GABRG3: variants seen among roughly 807,000 people sequenced by gnomAD.
GABRG3 encodes gamma-aminobutyric acid receptor subunit gamma-3.
Under a neutral mutation model 48.8 loss-of-function variants are expected in GABRG3, and 25 were observed. That is an observed-to-expected ratio of 0.51 (90% CI 0.37 to 0.72). The LOEUF (loss-of-function observed/expected upper bound fraction) is 0.72, where lower values mean the gene tolerates loss of function less well. GABRG3 is among the 30% of genes least tolerant of loss of function. The probability of loss-of-function intolerance (pLI) is 0.00; values close to 1 mark genes in which losing one functional copy is unlikely to be tolerated. For missense variants in GABRG3, 394 were observed against 577.9 expected, an observed-to-expected ratio of 0.68 and a Z score of 3.26; for synonymous variants, 227 against 217.6, an observed-to-expected ratio of 1.04 and a Z score of -0.38.
intron 6 of GABRG3, among the ~76,000 whole-genome samples, chr15:27,517,237 G>A (rs1224813247): frequency 6.6e-6 from 1 of 152,026 alleles, no homozygotes; most frequent in Non-Finnish European, 1.5e-5. Flanking sequence ...TCCATATTGT[G>A]CCCAGCACTG....
At chr15:27,305,064 C>G (rs2140495830) in intron 3 of GABRG3, among the ~76,000 whole-genome samples, 2 of 151,942 alleles carry the variant, frequency 1.3e-5, no homozygotes, top group African/African-American at 4.8e-5. Context: ...TTTTATAGTA[C>G]TATCTCTGAC....
intron 3 of GABRG3, among the ~76,000 whole-genome samples, chr15:27,081,341 T>A (rs2140744733): frequency 6.6e-6 from 1 of 152,302 alleles, no homozygotes; most frequent in East Asian, 1.9e-4. Context: ...CTGCTTTGGG[T>A]TGGGAAACTG....
intron 2 of GABRG3, among the ~76,000 whole-genome samples, chr15:27,000,584 TAGTG>T (rs1328981334): frequency 6.6e-6 from 1 of 152,174 alleles, no homozygotes; most frequent in Non-Finnish European, 1.5e-5. Flanking sequence ...GCTGTTGTGA[TAGTG>T]AGTGTGTTCT....
chr15:27,403,349 G>GTTGGGAGCAATGATA (rs1887528750), intron 5 of GABRG3, among the ~76,000 whole-genome samples: 1 of 152,146 alleles, frequency 6.6e-6, no homozygotes, highest in African/African-American at 2.4e-5. Flanking sequence ...GAGCAATGAT[G>GTTGGGAGCAATGATA]TTGGAAGCAA....
intron 3 of GABRG3, among the ~76,000 whole-genome samples, chr15:27,238,460 G>T (rs903285321): frequency 2.0e-5 from 3 of 152,204 alleles, no homozygotes; most frequent in Non-Finnish European, 4.4e-5. Flanking sequence ...ACCGCGGGAG[G>T]CCCTGGAGGA....
At chr15:27,340,520 G>C (rs1332028722) in intron 5 of GABRG3, 1 of 153,716 alleles carries the variant, frequency 6.5e-6, no homozygotes, top group East Asian at 1.9e-4. Flanking sequence ...CCTCTCCATA[G>C]TACAAACAAC....
chr15:27,210,166 C>CA (rs1889025811), intron 3 of GABRG3, among the ~76,000 whole-genome samples: 1 of 152,126 alleles, frequency 6.6e-6, no homozygotes, highest in South Asian at 2.1e-4. Context: ...TTTGAAGGGA[C>CA]CTCCAAGGGT....
chr15:27,404,428 G>C (rs1482589611), intron 5 of GABRG3, among the ~76,000 whole-genome samples: 2 of 152,134 alleles, frequency 1.3e-5, no homozygotes, highest in East Asian at 3.9e-4. Context: ...GCACCCATCT[G>C]GCCCCTGGCT....
chr15:27,407,422 C>T (rs772206952), intron 5 of GABRG3, among the ~76,000 whole-genome samples: 2 of 152,168 alleles, frequency 1.3e-5, no homozygotes, highest in Admixed American at 6.5e-5. Context: ...CAAAACTAAA[C>T]ATACTCTTAC....
intron 5 of GABRG3, among the ~76,000 whole-genome samples, chr15:27,392,022 T>C (rs909971300): frequency 6.6e-6 from 1 of 152,194 alleles, no homozygotes; most frequent in African/African-American, 2.4e-5. Context: ...TATACCACTG[T>C]CTTTAAATTT....
At chr15:27,453,477 A>G (rs762952132) in intron 5 of GABRG3, among the ~76,000 whole-genome samples, 6 of 152,244 alleles carry the variant, frequency 3.9e-5, no homozygotes, top group Non-Finnish European at 7.3e-5. Context: ...ACTCAGGAAT[A>G]GAATAGTTGC....
At chr15:27,184,678 T>C (rs1045326676) in intron 3 of GABRG3, among the ~76,000 whole-genome samples, 1 of 152,222 alleles carries the variant, frequency 6.6e-6, no homozygotes, top group Non-Finnish European at 1.5e-5. Flanking sequence ...CAAACACTTA[T>C]TTTAAGGAAG....
At position 27,179,783 on chromosome 15, in the gene GABRG3, C is replaced by T. The variant is rs764133770; in HGVS notation, c.271-147026C>T. Among the ~76,000 whole-genome samples the T allele has an allele frequency of 3.9e-5, 6 of 152,158 alleles. No homozygotes were observed. The highest frequency in any genetic ancestry group is 1.9e-4 in the East Asian group (1 of 5,162). ...GGAAAGATGGAAGCCAAAGATGCACCGGGTCTTTGGAAAAGAAAACTATAA... is the reference window on the plus strand; with the variant it reads ...GGAAAGATGGAAGCCAAAGATGCACTGGGTCTTTGGAAAAGAAAACTATAA... On this transcript the variant is annotated intron_variant, in intron 3 of 9. Transcript: ENST00000615808. The surrounding 1 kb of genome is among the most constrained non-coding windows in gnomAD (Gnocchi z 4.0).
intron 3 of GABRG3, among the ~76,000 whole-genome samples, chr15:27,029,436 T>G (rs938552608): frequency 1.2e-4 from 12 of 97,468 alleles, no homozygotes; most frequent in Admixed American, 4.3e-4. Context: ...TTGTTTAAAA[T>G]GCACACACAC....
At chr15:27,171,512 A>ATG (rs1416247428) in intron 3 of GABRG3, among the ~76,000 whole-genome samples, 1 of 147,904 alleles carries the variant, frequency 6.8e-6, no homozygotes, top group African/African-American at 2.5e-5. Flanking sequence ...TCTAACATAT[A>ATG]TATATATATA....
chr15:27,131,074 T>C (rs1234429246), intron 3 of GABRG3, among the ~76,000 whole-genome samples: 1 of 152,140 alleles, frequency 6.6e-6, no homozygotes, highest in Non-Finnish European at 1.5e-5. Flanking sequence ...CAATACTACA[T>C]TCAATAGAAG....
At chr15:27,405,165 T>C (rs956210334) in intron 5 of GABRG3, among the ~76,000 whole-genome samples, 2 of 152,202 alleles carry the variant, frequency 1.3e-5, no homozygotes, top group Non-Finnish European at 1.5e-5. Flanking sequence ...CTTTTTTCTG[T>C]ATAGAACGTA....
chr15:27,026,644 G>A, intron 2 of GABRG3, 110 bp from the exon 3 acceptor site: 3 of 590,802 alleles, frequency 5.1e-6, no homozygotes, highest in Non-Finnish European at 8.5e-6. Context: ...GCTCATGTGT[G>A]TTTCCACCAT....
chr15:27,515,543 T>C lies in GABRG3; in HGVS notation c.713-4429T>C, dbSNP rs536467891. Among the ~76,000 whole-genome samples, 29 of 152,290 alleles carry C rather than the reference T, an allele frequency of 1.9e-4. No homozygotes were observed. The South Asian group carries it at 5.6e-3, about 29-fold the overall frequency. On this transcript the variant is annotated intron_variant, in intron 6 of 9. Coordinates refer to ENST00000615808, the MANE Select transcript of GABRG3 (RefSeq NM_033223.5). ...CCTCAGGTGGCTTTTCAGAGAGTAT[T>C]AAGCTTAGGCAATTTTGAAAGGAAA...
Sources: allele counts gnomAD v4.1 joint callset (sites outside exome capture counted in the v4.1 genomes callset), GRCh38; gene constraint gnomAD v4.1.1; non-coding constraint Gnocchi (gnomAD v3.1); transcripts MANE v1.5; gene names NCBI Gene and HGNC (gene_info 2026-07-23, HGNC 2026-07-21).